Variants in RFX2 observed in about 807,000 individuals in gnomAD.
RFX2 encodes DNA-binding protein RFX2.
In RFX2, 20 loss-of-function variants were observed where a neutral mutation model predicts 87.8. The ratio of observed to expected loss-of-function variants is 0.23; its 90% CI spans 0.16 to 0.33. RFX2 has a LOEUF of 0.33. RFX2 is among the 10% of genes least tolerant of loss of function. The pLI, the probability that RFX2 is intolerant of heterozygous loss-of-function variation, is 1.00. For synonymous variants in RFX2, 397 were observed against 431.3 expected (o/e 0.92, Z 0.98); for missense variants, 767 against 1,012.3 (o/e 0.76, Z 3.29).
At chr19:6,046,471 C>A (rs1000456616) in intron 2 of RFX2, among the ~76,000 whole-genome samples, 3 of 151,650 alleles carry the variant, frequency 2.0e-5, no homozygotes, top group Admixed American at 1.3e-4. Flanking sequence ...ATCCCAGCTA[C>A]TCGGGAGGCT....
In RFX2 at chr19:6,017,764, C is replaced by T. The variant is rs1382791269; in HGVS notation, c.598-1493G>A. ...CCACCGGGCATGTTGGGCTCCTGCA[C>T]AGCCCTTGGCCTGGGAAGCCCTTGT... On this transcript the variant is annotated intron_variant, in intron 6 of 17. Transcript: ENST00000303657. The surrounding 1 kb of genome is among the most constrained non-coding windows in gnomAD (Gnocchi z 4.1). Among the ~76,000 whole-genome samples the T allele has an allele frequency of 2.0e-5, 3 of 152,226 alleles. No homozygotes were observed. The highest frequency in any genetic ancestry group is 3.9e-4 in the East Asian group (2 of 5,144).
rs2087249111 is a variant in RFX2 at position 6,050,094 on chromosome 19, A to G, written c.-8-2590T>C. Among the ~76,000 whole-genome samples, 1 of 152,228 alleles carries G rather than the reference A, an allele frequency of 6.6e-6. No homozygotes were observed. The highest frequency in any genetic ancestry group is 1.5e-5 in the Non-Finnish European group (1 of 68,032). On this transcript the variant is annotated intron_variant, in intron 1 of 17. Transcript: ENST00000303657. This position sits in a 1 kb window ranked among gnomAD's most constrained non-coding sequence, Gnocchi z 4.6. ...TCTTTGGCTAAGCAACTACACCACA[A>G]AGGTGTGGGGGAGATACCAGGGGTC...
In RFX2 at chr19:6,010,251, C is replaced by T. The variant is rs1218556241; in HGVS notation, c.900G>A (p.Arg300=). The T allele has an allele frequency of 1.3e-6, 2 of 1,543,480 alleles. No homozygotes were observed. Residue 300 remains arginine, a splice_region_variant and synonymous_variant, in exon 9 of 18, where the codon AGG becomes AGA. Transcript: ENST00000303657. This position sits in a 1 kb window ranked among gnomAD's most constrained non-coding sequence, Gnocchi z 5.0. The part of the protein sequence containing the change: ...MRQQPMHQKP[R]YRPAQKTDSL... ...TGTCCGTCTTCTGGGCTGGCCGGTACCTAGGCCAGGAACACGCATACCATC... is the reference window on the plus strand; with the variant it reads ...TGTCCGTCTTCTGGGCTGGCCGGTATCTAGGCCAGGAACACGCATACCATC...
At chr19:6,086,281 C>A (rs186387582) in intron 1 of RFX2, among the ~76,000 whole-genome samples, 1 of 152,190 alleles carries the variant, frequency 6.6e-6, no homozygotes, top group Non-Finnish European at 1.5e-5. Flanking sequence ...AGCAATGCAA[C>A]CTCAGGCAAT....
At position 6,106,638 on chromosome 19, in the gene RFX2, G is replaced by A. The variant is rs532190296; in HGVS notation, c.-9+3755C>T. 1.4e-4 allele frequency among the ~76,000 whole-genome samples: 22 copies of A among 152,134 alleles called. 1 individual carries two copies. Among genetic ancestry groups the A allele is most frequent in the African/African-American group, 4.6e-4 (19 of 41,528 alleles). On this transcript the variant is annotated intron_variant, in intron 1 of 17. Coordinates refer to ENST00000303657, the MANE Select transcript of RFX2 (RefSeq NM_000635.4). ...GTTTCAGAGACAGGCCCACAGACTC[G>A]CATTCTCCTCCCCTGCAGTTTAGTG...
rs977307035 is a variant in RFX2 at position 6,024,013 on chromosome 19, C to T, written c.597+2150G>A. ...CAGGCTGGTCTGGAACTCCTGACCT[C>T]AAGTGGTACACCCGCCTTGGTCTCC... On this transcript the variant is annotated intron_variant, in intron 6 of 17. Transcript: ENST00000303657. The surrounding 1 kb of genome is among the most constrained non-coding windows in gnomAD (Gnocchi z 5.0). 2.6e-5 allele frequency among the ~76,000 whole-genome samples: 4 copies of T among 152,174 alleles called. No individual in the cohort carries two copies. The highest frequency in any genetic ancestry group is 7.2e-5 in the African/African-American group (3 of 41,452).
chr19:6,070,941 C>T (rs2144833228), intron 1 of RFX2, among the ~76,000 whole-genome samples: 1 of 152,326 alleles, frequency 6.6e-6, no homozygotes, highest in South Asian at 2.1e-4. Flanking sequence ...TGGTCCTGAA[C>T]TCTTGGCCTC....
At chr19:6,053,473 C>T (rs2087290905) in intron 1 of RFX2, among the ~76,000 whole-genome samples, 1 of 152,122 alleles carries the variant, frequency 6.6e-6, no homozygotes, top group South Asian at 2.1e-4. Context: ...AGTGAACTCT[C>T]GAGGAAACTA....
At chr19:6,036,587 G>A (rs1255884924) in intron 5 of RFX2, among the ~76,000 whole-genome samples, 2 of 152,200 alleles carry the variant, frequency 1.3e-5, no homozygotes, top group Non-Finnish European at 2.9e-5. Flanking sequence ...TTGTGTAATT[G>A]AAAGTCAATC....
chr19:6,080,922 G>C (rs2087771956), intron 1 of RFX2, among the ~76,000 whole-genome samples: 1 of 151,506 alleles, frequency 6.6e-6, no homozygotes, highest in South Asian at 2.1e-4. Flanking sequence ...TGTAGTCCCA[G>C]TTACTTGGGA....
chr19:6,049,298 T>A (rs1022004732), intron 1 of RFX2: 21 of 151,838 alleles, frequency 1.4e-4, no homozygotes, highest in African/African-American at 5.1e-4. Flanking sequence ...GTGAAAGGAG[T>A]CCACCAGTGA....
chr19:6,094,245 C>A lies in RFX2; in HGVS notation c.-9+16148G>T, dbSNP rs1416283650. On this transcript the variant is annotated intron_variant, in intron 1 of 17. Transcript: ENST00000303657. ...CCAGAGGCTCTTTTTTTCTTTTTTA[C>A]AATTTGGATTTTTTTTTAATGATGA... Among the ~76,000 whole-genome samples, 4 of 151,672 alleles carry A rather than the reference C, an allele frequency of 2.6e-5. No homozygotes were observed. In the East Asian group the frequency reaches 7.7e-4, roughly 29 times the overall value.
Position 6,091,985 on chromosome 19 carries a change from C to A in RFX2, c.-9+18408G>T, listed in dbSNP as rs976528432. Among the ~76,000 whole-genome samples the A allele has an allele frequency of 5.9e-5, 9 of 152,242 alleles. No homozygotes were observed. The South Asian group carries it at 1.7e-3, about 28-fold the overall frequency. On this transcript the variant is annotated intron_variant, in intron 1 of 17. Coordinates refer to ENST00000303657, the MANE Select transcript of RFX2 (RefSeq NM_000635.4). ...ACATTAACCCTGGAGAATAAAGGAG[C>A]AGGGAGTTTCTAGAAGATTCTACAT...
intron 1 of RFX2, among the ~76,000 whole-genome samples, chr19:6,081,728 G>A (rs190849479): frequency 6.6e-6 from 1 of 152,268 alleles, no homozygotes; most frequent in East Asian, 1.9e-4. Flanking sequence ...CGAGGAGGGT[G>A]GATCACCTGA....
Position 5,994,427 on chromosome 19 carries a change from T to G in RFX2, c.*408A>C, listed in dbSNP as rs1171531828. The stretch of plus-strand genomic sequence containing the variant: ...CTTTCTAGTCGGGCTCTGCCAGGTT[T>G]TTTTAATTTTTAAAATCATGGTGAA... On this transcript the variant is annotated 3_prime_UTR_variant, in exon 18 of 18. Transcript: ENST00000303657. 4 of 160,614 alleles carry G rather than the reference T, an allele frequency of 2.5e-5. No individual in the cohort carries two copies. The Admixed American group carries it at 2.5e-4, about 10-fold the overall frequency. The allele number at this position is 160,614 out of a possible 1,614,324, so 9.9% of individuals were successfully genotyped here.
intron 12 of RFX2, among the ~76,000 whole-genome samples, chr19:6,005,653 TC>T (rs1421073135): frequency 6.6e-6 from 1 of 152,166 alleles, no homozygotes; most frequent in Non-Finnish European, 1.5e-5. Flanking sequence ...CTGTGGGAAA[TC>T]ACAGGGTGGG....
At chr19:5,995,910 C>A (rs1341676608) in intron 16 of RFX2, among the ~76,000 whole-genome samples, 1 of 152,166 alleles carries the variant, frequency 6.6e-6, no homozygotes, top group Non-Finnish European at 1.5e-5. Context: ...CTCCCAAAGT[C>A]CCCTGGGTGC....
rs1020121187 is a variant in RFX2, at chr19:6,001,276, C to A, written c.1859+539G>T. On this transcript the variant is annotated intron_variant, in intron 15 of 17. Coordinates refer to ENST00000303657, the MANE Select transcript of RFX2 (RefSeq NM_000635.4). This position sits in a 1 kb window ranked among gnomAD's most constrained non-coding sequence, Gnocchi z 5.6. ...CAGTTCTGAGATAGCTTTGTTCCCC[C>A]CTTAGAGATGGGGTCTTGCTCTGTC... is the stretch of plus-strand genomic sequence containing the variant. Among the ~76,000 whole-genome samples the A allele has an allele frequency of 2.6e-5, 4 of 152,158 alleles. No individual in the cohort carries two copies. The highest frequency in any genetic ancestry group is 9.7e-5 in the African/African-American group (4 of 41,428).
At position 5,999,269 on chromosome 19, in the gene RFX2, CAA is replaced by C. The variant is rs1020960027; in HGVS notation, c.1860-2058_1860-2057del. ...GACTCTGTCTCAAAAAACAAGCAAA[CAA>C]GAGAATGAAGTGGAACAGTGTCTCG... On this transcript the variant is annotated intron_variant, in intron 15 of 17. Coordinates refer to ENST00000303657, the MANE Select transcript of RFX2 (RefSeq NM_000635.4). This position sits in a 1 kb window ranked among gnomAD's most constrained non-coding sequence, Gnocchi z 4.1. 7.9e-5 allele frequency among the ~76,000 whole-genome samples: 12 copies of C among 152,134 alleles called. No individual in the cohort carries two copies. Among genetic ancestry groups the C allele is most frequent in the South Asian group, 6.2e-4 (3 of 4,812 alleles).
Sources: allele counts gnomAD v4.1 joint callset (sites outside exome capture counted in the v4.1 genomes callset), GRCh38; gene constraint gnomAD v4.1.1; non-coding constraint Gnocchi (gnomAD v3.1); transcripts MANE v1.5; gene names NCBI Gene and HGNC (gene_info 2026-07-23, HGNC 2026-07-21).